Variants in RNF13 observed in about 807,000 individuals in gnomAD.
RNF13 encodes ring finger protein 13, also known as E3 ubiquitin-protein ligase RNF13.
In RNF13, 19 loss-of-function variants were observed where a neutral mutation model predicts 37.7. The ratio of observed to expected loss-of-function variants is 0.50; its 90% CI spans 0.35 to 0.74. The LOEUF (loss-of-function observed/expected upper bound fraction) is 0.74, where lower values mean the gene tolerates loss of function less well. RNF13 is among the 30% of genes least tolerant of loss of function. RNF13 has a pLI of 0.01. For missense variants in RNF13, 375 were observed against 453.0 expected, an observed-to-expected ratio of 0.83 and a Z score of 1.56; for synonymous variants, 144 against 157.8, an observed-to-expected ratio of 0.91 and a Z score of 0.65.
At chr3:149,950,654 T>C (rs1721235161) in intron 8 of RNF13, among the ~76,000 whole-genome samples, 1 of 151,852 alleles carries the variant, frequency 6.6e-6, no homozygotes, top group Non-Finnish European at 1.5e-5. Flanking sequence ...TTTTTTTTTT[T>C]TGGTAGAAAT....
chr3:149,817,281 C>T (rs1384403037), intron 1 of RNF13: 1 of 152,094 alleles, frequency 6.6e-6, no homozygotes, highest in Non-Finnish European at 1.5e-5. Flanking sequence ...CATTATTTTT[C>T]CCTTTAGTGT....
intron 3 of RNF13, among the ~76,000 whole-genome samples, chr3:149,865,623 A>G (rs980863415): frequency 1.3e-5 from 2 of 151,964 alleles, no homozygotes; most frequent in African/African-American, 2.4e-5. Context: ...GCACCACCAC[A>G]GCCAGCTAAT....
chr3:149,863,683 A>G (rs970882214), intron 3 of RNF13, among the ~76,000 whole-genome samples: 24 of 152,140 alleles, frequency 1.6e-4, no homozygotes, highest in African/African-American at 5.8e-4. Flanking sequence ...CCCGGGCTAC[A>G]TTTGTTCATA....
chr3:149,819,865 G>C (rs1338994388), intron 1 of RNF13, among the ~76,000 whole-genome samples: 1 of 152,088 alleles, frequency 6.6e-6, no homozygotes, highest in African/African-American at 2.4e-5. Flanking sequence ...CCCTGAGGAA[G>C]GTATTTGTTA....
chr3:149,815,121 G>A (rs12636192), intron 1 of RNF13, among the ~76,000 whole-genome samples: 8,381 of 152,124 alleles, frequency 0.055, 389 homozygotes, highest in East Asian at 0.23. Context: ...ATAAATTGTT[G>A]CTAGCATTCA....
chr3:149,870,885 A>C lies in RNF13; in HGVS notation c.196-1144A>C, dbSNP rs148336950. ...TGATTGGTGTGACCAGTTCAGGACC[A>C]TACAGAACTGTTGTTAAGGCATTGT... On this transcript the variant is annotated intron_variant, in intron 3 of 9. Coordinates refer to ENST00000392894, the MANE Select transcript of RNF13 (RefSeq NM_183381.3). Among the ~76,000 whole-genome samples the C allele has an allele frequency of 2.8e-3, 428 of 151,866 alleles. 3 individuals are homozygous for C. The highest frequency in any genetic ancestry group is 9.9e-3 in the African/African-American group (410 of 41,498).
chr3:149,849,370 AT>A (rs148403614), intron 2 of RNF13, among the ~76,000 whole-genome samples: 4,539 of 152,240 alleles, frequency 0.03, 80 homozygotes, highest in South Asian at 0.036. Flanking sequence ...GGTAGTGATT[AT>A]TGAGGGCCAG....
intron 3 of RNF13, among the ~76,000 whole-genome samples, chr3:149,860,439 A>C (rs537952115): frequency 6.6e-6 from 1 of 151,808 alleles, no homozygotes; most frequent in Non-Finnish European, 1.5e-5. Flanking sequence ...CCAATGCTAC[A>C]GAGTAGAGGA....
intron 3 of RNF13, among the ~76,000 whole-genome samples, chr3:149,853,455 G>GGGGA (rs1460906997): frequency 3.4e-5 from 4 of 117,262 alleles, no homozygotes; most frequent in African/African-American, 6.5e-5. Context: ...AGAGAGAGAG[G>GGGGA]GAGAGAGAGA....
intron 1 of RNF13, among the ~76,000 whole-genome samples, chr3:149,820,499 G>A (rs889260548): frequency 2.6e-5 from 4 of 152,148 alleles, no homozygotes; most frequent in Non-Finnish European, 5.9e-5. Context: ...TTATTTAGAT[G>A]TGAAACACCT....
chr3:149,913,499 A>T (rs1263960260), intron 7 of RNF13, among the ~76,000 whole-genome samples: 1 of 152,186 alleles, frequency 6.6e-6, no homozygotes, highest in Non-Finnish European at 1.5e-5. Flanking sequence ...CATTACTGTT[A>T]ACTAAACTCC....
At chr3:149,886,552 A>G (rs1418959240) in intron 4 of RNF13, among the ~76,000 whole-genome samples, 1 of 152,174 alleles carries the variant, frequency 6.6e-6, no homozygotes, top group Non-Finnish European at 1.5e-5. Flanking sequence ...GCACATACAT[A>G]TAGTTTTACT....
At chr3:149,877,089 T>C (rs1352456214) in intron 4 of RNF13, among the ~76,000 whole-genome samples, 1 of 152,178 alleles carries the variant, frequency 6.6e-6, no homozygotes, top group Non-Finnish European at 1.5e-5. Context: ...CCGTATCTTT[T>C]ATATACTATT....
intron 8 of RNF13, among the ~76,000 whole-genome samples, chr3:149,927,964 T>G (rs1481448119): frequency 1.3e-5 from 2 of 151,922 alleles, no homozygotes; most frequent in African/African-American, 4.8e-5. Context: ...AATTTACCTT[T>G]TTTCTTTTTT....
At chr3:149,863,416 G>A (rs1267246896) in intron 3 of RNF13, among the ~76,000 whole-genome samples, 1 of 152,158 alleles carries the variant, frequency 6.6e-6, no homozygotes, top group East Asian at 1.9e-4. Flanking sequence ...GACTCGCTCT[G>A]TCATGCAGGC....
chr3:149,870,443 G>GT (rs1711899473), intron 3 of RNF13, among the ~76,000 whole-genome samples: 1 of 151,548 alleles, frequency 6.6e-6, no homozygotes, highest in Admixed American at 6.6e-5. Flanking sequence ...CTGTACATTT[G>GT]TTTTTCTTTT....
At chr3:149,816,508 A>G (rs1463062318) in intron 1 of RNF13, among the ~76,000 whole-genome samples, 1 of 147,938 alleles carries the variant, frequency 6.8e-6, no homozygotes, top group East Asian at 2.0e-4. Context: ...AGTAAATTAT[A>G]TGCCTTAGCC....
At chr3:149,880,641 A>G (rs1432816625) in intron 4 of RNF13, among the ~76,000 whole-genome samples, 1 of 152,160 alleles carries the variant, frequency 6.6e-6, no homozygotes, top group Non-Finnish European at 1.5e-5. Context: ...TTAACTTTTA[A>G]ATTAATTTTA....
chr3:149,906,196 A>G (rs1447279326), intron 6 of RNF13, among the ~76,000 whole-genome samples: 1 of 152,078 alleles, frequency 6.6e-6, no homozygotes, highest in Non-Finnish European at 1.5e-5. Flanking sequence ...TTTCCATTGT[A>G]TGGATATACC....
Sources: gnomAD v4.1 joint callset for allele counts (sites outside exome capture counted in the v4.1 genomes callset) on GRCh38, gnomAD v4.1.1 for gene constraint, MANE v1.5 for transcripts, NCBI Gene and HGNC (gene_info 2026-07-23, HGNC 2026-07-21) for gene names.